Variants in LINGO1 observed in about 807,000 individuals in gnomAD.
The protein encoded by LINGO1 is leucine rich repeat and Ig domain containing 1.
LINGO1 carries 11 observed loss-of-function variants against 37.3 expected under a neutral mutation model. The ratio of observed to expected loss-of-function variants is 0.29; its 90% confidence interval spans 0.19 to 0.49. The LOEUF (loss-of-function observed/expected upper bound fraction) is 0.49. Among genes scored for constraint, LINGO1 ranks in the 20% least tolerant of loss-of-function variants. The pLI, the probability that LINGO1 is intolerant of heterozygous loss-of-function variation, is 0.99. For missense variants in LINGO1, 585 were observed against 878.2 expected (o/e 0.67, Z 4.22); for synonymous variants, 387 against 403.0 (o/e 0.96, Z 0.48).
chr15:77,633,984 G>A (rs2074342530), upstream of LINGO1, among the ~76,000 whole-genome samples: 1 of 152,134 alleles, frequency 6.6e-6, no homozygotes, highest in African/African-American at 2.4e-5. Flanking sequence ...GACACCGCCC[G>A]GCACGGCCAT....
intron 1 of LINGO1, among the ~76,000 whole-genome samples, chr15:77,628,591 G>C (rs2074161744): frequency 6.6e-6 from 1 of 152,202 alleles, no homozygotes; most frequent in Admixed American, 6.5e-5. Context: ...TGAAAAAGAG[G>C]CAACGGGACG....
At chr15:77,753,283 G>T (rs1439067031) in intron 1 of LINGO1, among the ~76,000 whole-genome samples, 1 of 152,236 alleles carries the variant, frequency 6.6e-6, no homozygotes, top group Non-Finnish European at 1.5e-5. Context: ...TCAGAGACCA[G>T]GGCTGTAGGT....
At chr15:77,651,306 G>C (rs570803408) in intron 3 of LINGO1, 2 of 152,206 alleles carry the variant, frequency 1.3e-5, no homozygotes, top group African/African-American at 2.4e-5. Context: ...CTAAGGAGGC[G>C]TTAACATCCT....
At chr15:77,750,564 C>T (rs1382166047) in intron 1 of LINGO1, among the ~76,000 whole-genome samples, 1 of 152,170 alleles carries the variant, frequency 6.6e-6, no homozygotes, top group Non-Finnish European at 1.5e-5. Context: ...CTGTCTATCT[C>T]TCCCACCTCC....
upstream of LINGO1, chr15:77,788,733 A>G (rs975594094): frequency 1.3e-5 from 2 of 152,226 alleles, no homozygotes; most frequent in Non-Finnish European, 2.9e-5. Context: ...CCTGTGACAA[A>G]AACAGGCAGG....
At chr15:77,749,666 A>G (rs2076351472) in intron 1 of LINGO1, among the ~76,000 whole-genome samples, 1 of 152,114 alleles carries the variant, frequency 6.6e-6, no homozygotes, top group South Asian at 2.1e-4. Flanking sequence ...CCTGCTGCCC[A>G]GTGAAGCTGC....
intron 1 of LINGO1, among the ~76,000 whole-genome samples, chr15:77,777,072 G>A (rs566810121): frequency 1.3e-5 from 2 of 152,296 alleles, no homozygotes; most frequent in Admixed American, 6.5e-5. Context: ...CTGCAGAGAC[G>A]ACCCTCATTG....
At chr15:77,708,327 G>C (rs1304960293) in intron 2 of LINGO1, among the ~76,000 whole-genome samples, 3 of 152,280 alleles carry the variant, frequency 2.0e-5, no homozygotes, top group South Asian at 2.1e-4. Flanking sequence ...GAGCAGAGTG[G>C]GGAATCGGGA....
chr15:77,700,338 C>A (rs1283487486), upstream of LINGO1, among the ~76,000 whole-genome samples: 1 of 152,234 alleles, frequency 6.6e-6, no homozygotes, highest in Non-Finnish European at 1.5e-5. Flanking sequence ...AGGGGCAGAG[C>A]TGGGAAGATT....
Position 77,632,273 on chromosome 15 carries a change from T to C in LINGO1, c.6+37A>G. The C allele has an allele frequency of 7.2e-7, 1 of 1,394,224 alleles. No homozygotes were observed. Among genetic ancestry groups the C allele is most frequent in the Non-Finnish European group, 9.3e-7 (1 of 1,076,302 alleles). The allele number at this position is 1,394,224 out of a possible 1,614,324, so 86.4% of individuals were successfully genotyped here. A position where few individuals can be genotyped will look rare whatever the true frequency, so the allele number is the denominator to read the frequency against. ...CCCCCAGGGGCACTCGCCGCGGGGC[T>C]GCCCGCTCGGGGCTCGGCCGCGGCC... On this transcript the variant is annotated intron_variant, in intron 1 of 1. Transcript: ENST00000355300. The surrounding 1 kb of genome is among the most constrained non-coding windows in gnomAD (Gnocchi z 6.0).
intron 1 of LINGO1, among the ~76,000 whole-genome samples, chr15:77,620,006 C>T (rs1255931028): frequency 6.6e-6 from 1 of 152,184 alleles, no homozygotes; most frequent in African/African-American, 2.4e-5. Flanking sequence ...GGCCTAGTCT[C>T]CTGGTCTCCC....
intron 1 of LINGO1, among the ~76,000 whole-genome samples, chr15:77,797,006 A>T (rs902144851): frequency 5.9e-5 from 9 of 152,040 alleles, no homozygotes; most frequent in African/African-American, 2.2e-4. Context: ...CAGCCATCCT[A>T]CTTTATTTCT....
At chr15:77,813,848 A>G (rs569562420) in intron 1 of LINGO1, among the ~76,000 whole-genome samples, 14 of 152,300 alleles carry the variant, frequency 9.2e-5, no homozygotes, top group African/African-American at 3.1e-4. Flanking sequence ...GTCTAAGGTT[A>G]TACACCTTAC....
At chr15:77,707,996 C>T (rs1409485071) in intron 2 of LINGO1, among the ~76,000 whole-genome samples, 3 of 152,212 alleles carry the variant, frequency 2.0e-5, no homozygotes, top group Non-Finnish European at 2.9e-5. Context: ...AACCCTGTCC[C>T]ACAGTTTTGA....
chr15:77,740,659 G>A (rs1051845404), intron 1 of LINGO1, among the ~76,000 whole-genome samples: 20 of 152,138 alleles, frequency 1.3e-4, no homozygotes, highest in African/African-American at 4.6e-4. Flanking sequence ...AGCGAGGGCT[G>A]GAGGCATCAG....
chr15:77,670,406 C>T (rs79114324), intron 3 of LINGO1, among the ~76,000 whole-genome samples: 1 of 152,244 alleles, frequency 6.6e-6, no homozygotes, highest in Non-Finnish European at 1.5e-5. Context: ...AACACATCCA[C>T]AAGCCACATG....
upstream of LINGO1, among the ~76,000 whole-genome samples, chr15:77,789,082 C>T (rs556626725): frequency 6.6e-6 from 1 of 151,048 alleles, no homozygotes; most frequent in Admixed American, 6.6e-5. Flanking sequence ...TCACCACCGC[C>T]AAGGCTGCCA....
At chr15:77,643,615 C>T (rs952814555) in intron 3 of LINGO1, among the ~76,000 whole-genome samples, 6 of 152,198 alleles carry the variant, frequency 3.9e-5, no homozygotes, top group Non-Finnish European at 7.3e-5. Flanking sequence ...TGGTTATGGG[C>T]AAAGTGTCTG....
upstream of LINGO1, among the ~76,000 whole-genome samples, chr15:77,700,974 G>A (rs530696944): frequency 4.6e-5 from 7 of 152,326 alleles, no homozygotes; most frequent in South Asian, 1.2e-3. Flanking sequence ...ATGGAAGAGG[G>A]ACCAGGGGCA....
Sources: allele counts gnomAD v4.1 joint callset (sites outside exome capture counted in the v4.1 genomes callset), GRCh38; gene constraint gnomAD v4.1.1; non-coding constraint Gnocchi (gnomAD v3.1); transcripts MANE v1.5; gene names NCBI Gene and HGNC (gene_info 2026-07-23, HGNC 2026-07-21).